ZSCAN25: variants seen among roughly 807,000 people sequenced by gnomAD.
The protein encoded by ZSCAN25 is zinc finger and SCAN domain-containing protein 25.
A neutral mutation model predicts 38.7 loss-of-function variants in ZSCAN25; 27 were observed. The ratio of observed to expected loss-of-function variants is 0.70; its 90% CI spans 0.51 to 0.96. The LOEUF is 0.96. ZSCAN25 is among the 40% of genes least tolerant of loss of function. The pLI is 0.00. For synonymous variants in ZSCAN25, 273 were observed against 277.7 expected, an observed-to-expected ratio of 0.98 and a Z score of 0.17; for missense variants, 637 against 705.9, an observed-to-expected ratio of 0.90 and a Z score of 1.11.
At chr7:99,656,485 G>A in the ZSCAN25 span, among the ~76,000 whole-genome samples, 5 of 152,174 alleles carry the variant, frequency 3.3e-5, no homozygotes, top group African/African-American at 1.2e-4. Flanking sequence ...CGGTTTGCCA[G>A]TATTTTATTG....
At chr7:99,692,760 T>C in the ZSCAN25 span, among the ~76,000 whole-genome samples, 2 of 152,234 alleles carry the variant, frequency 1.3e-5, no homozygotes, top group African/African-American at 4.8e-5. Flanking sequence ...ATTTAAGGTC[T>C]TCTTGACACT....
chr7:99,698,249 C>A, the ZSCAN25 span, among the ~76,000 whole-genome samples: 1 of 152,166 alleles, frequency 6.6e-6, no homozygotes, highest in Non-Finnish European at 1.5e-5. Flanking sequence ...CCTGGCTGCC[C>A]GAGTCTGTAG....
At chr7:99,737,905 T>C in the ZSCAN25 span, among the ~76,000 whole-genome samples, 2 of 152,226 alleles carry the variant, frequency 1.3e-5, no homozygotes, top group South Asian at 4.1e-4. Flanking sequence ...TCTTCTAACA[T>C]GTAGGGACTT....
the ZSCAN25 span, chr7:99,710,782 C>G: frequency 1.9e-6 from 3 of 1,613,792 alleles, no homozygotes; most frequent in Admixed American, 1.7e-5. Context: ...TGCTGGACAT[C>G]AGGGTGAGTG....
the ZSCAN25 span, chr7:99,679,809 T>C: frequency 3.7e-5 from 59 of 1,613,100 alleles, no homozygotes; most frequent in African/African-American, 4.4e-4. Flanking sequence ...AAGAGAGGAG[T>C]TTGGACAGTT....
the ZSCAN25 span, among the ~76,000 whole-genome samples, chr7:99,654,141 T>A: frequency 2.0e-5 from 3 of 152,182 alleles, no homozygotes; most frequent in African/African-American, 7.2e-5. Context: ...GCAGGTTTGT[T>A]ACATATGTAT....
the ZSCAN25 span, among the ~76,000 whole-genome samples, chr7:99,693,209 G>A: frequency 1.3e-5 from 2 of 152,070 alleles, no homozygotes; most frequent in Non-Finnish European, 2.9e-5. Context: ...GTTTGCCTGG[G>A]TATTACCTGC....
chr7:99,661,069 A>G, the ZSCAN25 span, among the ~76,000 whole-genome samples: 1 of 152,222 alleles, frequency 6.6e-6, no homozygotes, highest in African/African-American at 2.4e-5. Context: ...AGAGCTTGAC[A>G]GACTTTGAGA....
At chr7:99,648,301 T>A in the ZSCAN25 span, 2 of 1,610,744 alleles carry the variant, frequency 1.2e-6, no homozygotes, top group Non-Finnish European at 1.7e-6. Flanking sequence ...ATCCTTAGAA[T>A]AACTCATTCT....
chr7:99,644,147 A>G, the ZSCAN25 span, among the ~76,000 whole-genome samples: 3 of 152,130 alleles, frequency 2.0e-5, no homozygotes, highest in East Asian at 3.9e-4. Context: ...ATCATTAGCT[A>G]TAGCAGCACA....
At chr7:99,658,640 T>C in the ZSCAN25 span, among the ~76,000 whole-genome samples, 1 of 152,212 alleles carries the variant, frequency 6.6e-6, no homozygotes, top group African/African-American at 2.4e-5. Context: ...CCTTGCTAGA[T>C]TGGGGAAGTT....
chr7:99,654,551 T>G, the ZSCAN25 span, among the ~76,000 whole-genome samples: 1 of 152,228 alleles, frequency 6.6e-6, no homozygotes, highest in African/African-American at 2.4e-5. Flanking sequence ...TAAGTGTGCA[T>G]GTGTGTTTAT....
the ZSCAN25 span, among the ~76,000 whole-genome samples, chr7:99,649,745 T>A: frequency 1.1e-4 from 16 of 152,208 alleles, no homozygotes; most frequent in Admixed American, 9.8e-4. Context: ...AGAACACCAT[T>A]TAAGTCACAG....
At chr7:99,618,376 G>A (rs1370598529) in intron 1 of ZSCAN25, 149 bp from the exon 2 acceptor site, 1 of 151,812 alleles carries the variant, frequency 6.6e-6, no homozygotes, top group Non-Finnish European at 1.5e-5. Flanking sequence ...CTGAGAAGTA[G>A]GAGGAGTAGC....
the ZSCAN25 span, chr7:99,666,660 A>T: frequency 6.2e-7 from 1 of 1,614,038 alleles, no homozygotes; most frequent in Non-Finnish European, 8.5e-7. Flanking sequence ...TCACCAATAC[A>T]TCTCCATACT....
At chr7:99,676,768 G>A in the ZSCAN25 span, among the ~76,000 whole-genome samples, 79 of 152,158 alleles carry the variant, frequency 5.2e-4, no homozygotes, top group East Asian at 1.7e-3. Flanking sequence ...CTTCTTAAAC[G>A]TTCATTCACA....
intron 5 of ZSCAN25, chr7:99,622,205 A>G (rs1328369527): frequency 3.4e-6 from 1 of 295,812 alleles, no homozygotes; most frequent in Non-Finnish European, 6.5e-6. Context: ...GATTACAGGC[A>G]TGAGCCACCG....
chr7:99,713,744 T>C, the ZSCAN25 span, among the ~76,000 whole-genome samples: 1 of 152,160 alleles, frequency 6.6e-6, no homozygotes, highest in Non-Finnish European at 1.5e-5. Flanking sequence ...CTGGCTAAAA[T>C]GTTCAATTGC....
chr7:99,731,654 C>T, the ZSCAN25 span, among the ~76,000 whole-genome samples: 2 of 152,194 alleles, frequency 1.3e-5, no homozygotes, highest in African/African-American at 2.4e-5. Context: ...TTAGAATTTG[C>T]TCAGAGGCTT....
Sources: allele counts gnomAD v4.1 joint callset (sites outside exome capture counted in the v4.1 genomes callset), GRCh38; gene constraint gnomAD v4.1.1; transcripts MANE v1.5; gene names NCBI Gene and HGNC (gene_info 2026-07-23, HGNC 2026-07-21).